Variants in BRINP3 observed in about 807,000 individuals in gnomAD.
The protein encoded by BRINP3 is BMP/retinoic acid-inducible neural-specific protein 3.
A neutral mutation model predicts 71.0 loss-of-function variants in BRINP3; 19 were observed. That is an observed-to-expected ratio of 0.27 (90% CI 0.19 to 0.39). BRINP3 has a LOEUF of 0.39. BRINP3 is among the 10% of genes least tolerant of loss of function. The probability of loss-of-function intolerance (pLI) is 1.00; values close to 1 mark genes in which losing one functional copy is unlikely to be tolerated. For synonymous variants in BRINP3, 380 were observed against 337.7 expected (o/e 1.13, Z -1.37); for missense variants, 959 against 940.8 (o/e 1.02, Z -0.25).
At chr1:190,462,187 C>T (rs1676442550) in intron 1 of BRINP3, among the ~76,000 whole-genome samples, 1 of 152,054 alleles carries the variant, frequency 6.6e-6, no homozygotes, top group Admixed American at 6.5e-5. Flanking sequence ...GCTGGGATTA[C>T]AGGCATGAGA....
intron 2 of BRINP3, among the ~76,000 whole-genome samples, chr1:190,359,052 C>T (rs866478984): frequency 6.6e-6 from 1 of 151,866 alleles, no homozygotes; most frequent in Admixed American, 6.6e-5. Context: ...ATGAAGTATA[C>T]CTAATGTAAA....
chr1:190,418,097 A>G (rs1673125205), intron 2 of BRINP3, among the ~76,000 whole-genome samples: 1 of 152,190 alleles, frequency 6.6e-6, no homozygotes, highest in Non-Finnish European at 1.5e-5. Flanking sequence ...ATTTCAGCAC[A>G]GTGACTTGCC....
chr1:190,203,949 T>C (rs1230901549), intron 6 of BRINP3, among the ~76,000 whole-genome samples: 3 of 150,744 alleles, frequency 2.0e-5, no homozygotes, highest in African/African-American at 4.9e-5. Flanking sequence ...ACCATATATA[T>C]TGTAGATTGG....
intron 6 of BRINP3, among the ~76,000 whole-genome samples, chr1:190,163,051 C>T (rs1651156115): frequency 6.6e-6 from 1 of 152,054 alleles, no homozygotes; most frequent in Non-Finnish European, 1.5e-5. Flanking sequence ...CTGAAATTCA[C>T]TCTACTTAGA....
chr1:190,424,800 A>G (rs1673598393), intron 2 of BRINP3, among the ~76,000 whole-genome samples: 1 of 151,716 alleles, frequency 6.6e-6, no homozygotes, highest in Non-Finnish European at 1.5e-5. Flanking sequence ...TCTCTGAAAT[A>G]TTACCTTTAG....
chr1:190,238,381 TATTG>T (rs1658729078), intron 4 of BRINP3, among the ~76,000 whole-genome samples: 1 of 152,066 alleles, frequency 6.6e-6, no homozygotes, highest in African/African-American at 2.4e-5. Context: ...TTTTTAAAAA[TATTG>T]ATTAACATAG....
chr1:190,220,505 C>G (rs1017241030), intron 6 of BRINP3, among the ~76,000 whole-genome samples: 1 of 151,926 alleles, frequency 6.6e-6, no homozygotes, highest in Non-Finnish European at 1.5e-5. Flanking sequence ...CAAAACTGCA[C>G]GTTCTGCACA....
At chr1:190,332,345 G>A (rs771209022) in intron 2 of BRINP3, among the ~76,000 whole-genome samples, 50 of 152,136 alleles carry the variant, frequency 3.3e-4, no homozygotes, top group Middle Eastern at 3.4e-3. Flanking sequence ...GGCTGTTGCC[G>A]AAGAACTCAT....
At chr1:190,415,873 C>T (rs893142081) in intron 2 of BRINP3, among the ~76,000 whole-genome samples, 4 of 152,078 alleles carry the variant, frequency 2.6e-5, no homozygotes, top group Admixed American at 6.6e-5. Context: ...CACCACTGTC[C>T]GCCAAGCTGG....
intron 2 of BRINP3, among the ~76,000 whole-genome samples, chr1:190,361,005 G>A (rs1669109088): frequency 2.0e-5 from 3 of 152,046 alleles, no homozygotes; most frequent in South Asian, 4.1e-4. Flanking sequence ...TGTGGGAAGA[G>A]ATAACAAATA....
At chr1:190,316,212 G>A (rs903486554) in intron 2 of BRINP3, among the ~76,000 whole-genome samples, 6 of 152,186 alleles carry the variant, frequency 3.9e-5, no homozygotes, top group African/African-American at 1.4e-4. Flanking sequence ...CTGAAACTTC[G>A]TGGTTTGTTT....
chr1:190,317,380 T>C (rs1665960308), intron 2 of BRINP3, among the ~76,000 whole-genome samples: 1 of 152,030 alleles, frequency 6.6e-6, no homozygotes, highest in South Asian at 2.1e-4. Context: ...TTGTCTTCAA[T>C]TTCATGGTAT....
chr1:190,468,728 G>A (rs968481940), intron 1 of BRINP3, among the ~76,000 whole-genome samples: 1 of 151,028 alleles, frequency 6.6e-6, no homozygotes, highest in African/African-American at 2.4e-5. Flanking sequence ...ATATCTTTTG[G>A]GGGGTGGGAG....
chr1:190,200,237 C>A (rs1654882254), intron 6 of BRINP3, among the ~76,000 whole-genome samples: 1 of 152,034 alleles, frequency 6.6e-6, no homozygotes, highest in Non-Finnish European at 1.5e-5. Flanking sequence ...GCTACTAGCA[C>A]CTCTTCCTCA....
chr1:190,350,616 G>C (rs1236075705), intron 2 of BRINP3, among the ~76,000 whole-genome samples: 4 of 152,088 alleles, frequency 2.6e-5, no homozygotes, highest in African/African-American at 9.7e-5. Flanking sequence ...CTGTGAAATT[G>C]AGTTTATTTT....
chr1:190,224,647 A>C, intron 6 of BRINP3, among the ~76,000 whole-genome samples: 1 of 151,932 alleles, frequency 6.6e-6, no homozygotes, highest in Non-Finnish European at 1.5e-5. Flanking sequence ...AATTATATCA[A>C]GCTAAAAAGC....
intron 7 of BRINP3, among the ~76,000 whole-genome samples, chr1:190,152,189 TA>T (rs1656453024): frequency 6.6e-6 from 1 of 152,092 alleles, no homozygotes; most frequent in African/African-American, 2.4e-5. Context: ...TTGTTGTCAG[TA>T]AAATTAATTC....
Position 190,160,798 on chromosome 1 carries a change from GA to G in BRINP3, c.1053del (p.Gln352SerfsTer11). The G allele has an allele frequency of 6.2e-7, 1 of 1,613,546 alleles. No individual in the cohort carries two copies. The highest frequency in any genetic ancestry group is 8.5e-7 in the Non-Finnish European group (1 of 1,179,690). ...TTCTCCAGTTGTTCATAACGGCGCTGAAAATTAGAATCCATTGTCCACAAAT... is the reference window on the plus strand; with the variant it reads ...TTCTCCAGTTGTTCATAACGGCGCTGAAATTAGAATCCATTGTCCACAAAT... Reference protein sequence around the residue: ...IMHLWTMDSNFQRRYEQLENS... With the variant: ...IMHLWTMDSNXQRRYEQLENS... On this transcript the variant is annotated frameshift_variant, in exon 7 of 8. Transcript: ENST00000367462. LOFTEE classifies it high-confidence loss of function.
intron 6 of BRINP3, among the ~76,000 whole-genome samples, chr1:190,217,976 T>C (rs1338059011): frequency 6.6e-6 from 1 of 152,086 alleles, no homozygotes; most frequent in Non-Finnish European, 1.5e-5. Flanking sequence ...GCTTTGAAAA[T>C]ATTAATCTAT....
Sources: gnomAD v4.1 joint callset for allele counts (sites outside exome capture counted in the v4.1 genomes callset) on GRCh38, gnomAD v4.1.1 for gene constraint, MANE v1.5 for transcripts, NCBI Gene and HGNC (gene_info 2026-07-23, HGNC 2026-07-21) for gene names.